The following PIP4P2 variants were observed in gnomAD, a reference collection of about 807,000 sequenced individuals.
PIP4P2 encodes the protein type 2 phosphatidylinositol 4,5-bisphosphate 4-phosphatase.
In PIP4P2, 19 loss-of-function variants were observed where a neutral mutation model predicts 33.3. The observed-to-expected ratio is 0.57, with a 90% CI of 0.40 to 0.84. The LOEUF is 0.84. Among genes scored for constraint, PIP4P2 ranks in the 40% least tolerant of loss-of-function variants. The pLI is 0.00. For missense variants in PIP4P2, 270 were observed against 324.7 expected (o/e 0.83, Z 1.29); for synonymous variants, 110 against 111.9 (o/e 0.98, Z 0.11).
At chr8:90,996,833 G>T in intron 5 of PIP4P2, 89 bp from the exon 6 acceptor site, 1 of 1,018,114 alleles carries the variant, frequency 9.8e-7, no homozygotes, top group Non-Finnish European at 1.5e-6. Flanking sequence ...TATGGCTTTA[G>T]TAATATTATA....
chr8:91,040,666 G>A lies in PIP4P2; in HGVS notation c.84C>T (p.Tyr28=). 1 of 1,613,722 alleles carries A rather than the reference G, an allele frequency of 6.2e-7. No individual in the cohort carries two copies. Among genetic ancestry groups the A allele is most frequent in the Non-Finnish European group, 8.5e-7 (1 of 1,180,042 alleles). ...TACCTCTGGGGCTGCTTTCTTGCAA[G>A]TACGGTGGGGCGGTGGGAGTGACAT... is the stretch of plus-strand genomic sequence containing the variant. ...SGNVTPTAPP[Y]LQESSPRAEL... Residue 28 remains tyrosine, a synonymous_variant, in exon 1 of 7, where the codon TAC becomes TAT. Transcript: ENST00000285419.
intron 5 of PIP4P2, among the ~76,000 whole-genome samples, chr8:91,003,797 A>T (rs1811730686): frequency 6.6e-6 from 1 of 152,182 alleles, no homozygotes; most frequent in Non-Finnish European, 1.5e-5. Flanking sequence ...AAAATTTAAC[A>T]ACTTGGAAGA....
At chr8:91,002,048 A>G (rs749579999) in intron 5 of PIP4P2, among the ~76,000 whole-genome samples, 2 of 151,408 alleles carry the variant, frequency 1.3e-5, no homozygotes, top group Non-Finnish European at 2.9e-5. Flanking sequence ...TTCCTAACTC[A>G]CTCTTTTCCA....
At chr8:91,023,447 C>G (rs141145438) in intron 1 of PIP4P2, among the ~76,000 whole-genome samples, 35 of 151,822 alleles carry the variant, frequency 2.3e-4, no homozygotes, top group Middle Eastern at 3.4e-3. Context: ...CAGCTTTGCT[C>G]AAAGAAATCT....
chr8:91,029,723 T>C (rs1402833647), intron 1 of PIP4P2, among the ~76,000 whole-genome samples: 2 of 152,044 alleles, frequency 1.3e-5, no homozygotes, highest in Non-Finnish European at 2.9e-5. Context: ...GTAGTGCAAA[T>C]GCTTTGGGAG....
chr8:90,998,528 G>A (rs1811659517), intron 5 of PIP4P2, among the ~76,000 whole-genome samples: 2 of 151,832 alleles, frequency 1.3e-5, no homozygotes, highest in Admixed American at 6.6e-5. Context: ...GTATCTACAT[G>A]CAATATATAT....
At chr8:91,018,180 C>G (rs957612757) in intron 4 of PIP4P2, among the ~76,000 whole-genome samples, 1 of 152,140 alleles carries the variant, frequency 6.6e-6, no homozygotes, top group African/African-American at 2.4e-5. Context: ...CTTTTTGCAA[C>G]TGGACTTATC....
chr8:91,036,031 CA>C (rs1199736000), intron 1 of PIP4P2, among the ~76,000 whole-genome samples: 1 of 151,606 alleles, frequency 6.6e-6, no homozygotes, highest in Non-Finnish European at 1.5e-5. Context: ...AAAACAAAAC[CA>C]AAAAAACTGG....
chr8:90,998,866 A>C (rs1811664170), intron 5 of PIP4P2, among the ~76,000 whole-genome samples: 1 of 152,104 alleles, frequency 6.6e-6, no homozygotes, highest in African/African-American at 2.4e-5. Context: ...GGAACAGGCA[A>C]AGATTTCATG....
Position 90,996,708 on chromosome 8 carries a change from G to A in PIP4P2, c.576C>T (p.Cys192=), listed in dbSNP as rs202131654. The part of the protein sequence containing the change: ...SVGSALPRRR[C]CAYITIGMIC... The stretch of plus-strand genomic sequence containing the variant: ...TCATTCCAATGGTAATATATGCACA[G>A]CAGCGTCTTCGTGGAAGTGCACTAC... Residue 192 remains cysteine (C), a synonymous_variant, in exon 6 of 7, where the codon TGC becomes TGT. Transcript: ENST00000285419. 3.7e-4 allele frequency: 596 copies of A among 1,609,924 alleles called. 1 individual carries two copies. Among genetic ancestry groups the A allele is most frequent in the Non-Finnish European group, 4.8e-4 (563 of 1,177,986 alleles).
At chr8:91,005,271 C>T (rs1410688421) in intron 5 of PIP4P2, among the ~76,000 whole-genome samples, 1 of 152,168 alleles carries the variant, frequency 6.6e-6, no homozygotes, top group African/African-American at 2.4e-5. Context: ...CATTCTTTCA[C>T]ATTCAGTCCT....
intron 4 of PIP4P2, among the ~76,000 whole-genome samples, chr8:91,009,384 T>C (rs577883438): frequency 2.6e-5 from 4 of 152,200 alleles, no homozygotes; most frequent in African/African-American, 4.8e-5. Context: ...GTTATTCAGA[T>C]ACTTGAAATG....
Position 91,024,954 on chromosome 8 carries a change from AC to A in PIP4P2, c.107-3551del, listed in dbSNP as rs144390660. ...GGAGAAAACAAACCCAGAAATTCTG[AC>A]TTTTTAAGGGTTATACACAACTTCA... is the stretch of plus-strand genomic sequence containing the variant. On this transcript the variant is annotated intron_variant, in intron 1 of 6. Transcript: ENST00000285419. 1.4e-3 allele frequency among the ~76,000 whole-genome samples: 218 copies of A among 152,218 alleles called. 1 individual carries two copies. The highest frequency in any genetic ancestry group is 5.2e-3 in the African/African-American group (214 of 41,544).
chr8:91,011,173 A>C (rs895649393), intron 4 of PIP4P2, among the ~76,000 whole-genome samples: 11 of 151,968 alleles, frequency 7.2e-5, no homozygotes, highest in Non-Finnish European at 1.5e-4. Flanking sequence ...AAATGAAAAA[A>C]ATCTGGCCCT....
intron 3 of PIP4P2, 137 bp downstream of exon 3, chr8:91,020,020 A>C (rs1811983484): frequency 1.3e-6 from 1 of 790,840 alleles, no homozygotes; most frequent in Non-Finnish European, 2.0e-6. Context: ...TCCTTTAACA[A>C]AAAAATAATC....
In PIP4P2 at chr8:91,005,192, C is replaced by T. The variant is rs146450146; in HGVS notation, c.539+3551G>A. On this transcript the variant is annotated intron_variant, in intron 5 of 6. Transcript: ENST00000285419. The stretch of plus-strand genomic sequence containing the variant: ...ACATTTCTTCTAGATCCTGCATGTC[C>T]TGTCTCAGTGAATGGTTCTACAGCC... Among the ~76,000 whole-genome samples, 22 of 152,222 alleles carry T rather than the reference C, an allele frequency of 1.4e-4. No homozygotes were observed. The East Asian group carries it at 2.5e-3, about 17-fold the overall frequency.
chr8:90,998,389 A>G (rs1563560583), intron 5 of PIP4P2, among the ~76,000 whole-genome samples: 2 of 152,044 alleles, frequency 1.3e-5, no homozygotes, highest in Admixed American at 1.3e-4. Context: ...ACTACATCTG[A>G]GAAATCTTCT....
intron 5 of PIP4P2, among the ~76,000 whole-genome samples, chr8:90,999,586 C>G (rs140394164): frequency 1.2e-3 from 190 of 152,160 alleles, no homozygotes; most frequent in African/African-American, 4.3e-3. Context: ...GATGGCCACA[C>G]TATCTGCAAG....
intron 3 of PIP4P2, 90 bp downstream of exon 3, chr8:91,020,067 C>A: frequency 7.7e-7 from 1 of 1,297,006 alleles, no homozygotes; most frequent in Non-Finnish European, 1.1e-6. Context: ...AAAACTCTTT[C>A]TAGAACAAAG....
Sources: gnomAD v4.1 joint callset for allele counts (sites outside exome capture counted in the v4.1 genomes callset) on GRCh38, gnomAD v4.1.1 for gene constraint, MANE v1.5 for transcripts, NCBI Gene and HGNC (gene_info 2026-07-23, HGNC 2026-07-21) for gene names.